Variants in PDS5A observed in about 807,000 individuals in gnomAD.
PDS5A encodes the protein PDS5 cohesin associated factor A.
In PDS5A, 42 loss-of-function variants were observed where a neutral mutation model predicts 167.1. The observed-to-expected ratio is 0.25, with a 90% CI of 0.20 to 0.33. The LOEUF (loss-of-function observed/expected upper bound fraction) is 0.33. Among genes scored for constraint, PDS5A ranks in the 10% least tolerant of loss-of-function variants. The pLI is 1.00. For missense variants in PDS5A, 1,033 were observed against 1,605.9 expected (o/e 0.64, Z 6.10); for synonymous variants, 553 against 554.6 (o/e 1.00, Z 0.04).
At chr4:39,877,236 A>T in intron 18 of PDS5A, 83 bp from the exon 19 acceptor site, 2 of 861,024 alleles carry the variant, frequency 2.3e-6, no homozygotes, top group East Asian at 5.3e-5. Flanking sequence ...AAAGAAAAAA[A>T]AAATTAAATT....
chr4:39,921,561 C>A (rs995572470), intron 6 of PDS5A, among the ~76,000 whole-genome samples: 1 of 145,990 alleles, frequency 6.8e-6, no homozygotes, highest in Non-Finnish European at 1.5e-5. Flanking sequence ...CATAGCGAAA[C>A]CCTGTTTCTA....
chr4:39,826,876 A>G (rs1715373225), intron 32 of PDS5A, among the ~76,000 whole-genome samples: 1 of 152,202 alleles, frequency 6.6e-6, no homozygotes, highest in African/African-American at 2.4e-5. Flanking sequence ...TATATTCCCA[A>G]ACTCCTTTAC....
chr4:39,849,540 C>A lies in PDS5A; in HGVS notation c.3199G>T (p.Asp1067Tyr). 6.2e-7 allele frequency: 1 copy of A among 1,606,272 alleles called. No homozygotes were observed. Among genetic ancestry groups the A allele is most frequent in the Non-Finnish European group, 8.5e-7 (1 of 1,175,104 alleles). ...CTTACTTCATTTGTCTTGGATTCAT[C>A]TGGAGACTGGGCATCTCTGGTTAAC... Reference protein sequence around the residue: ...IKLTRDAQSPDESKTNEKLYT... With the variant: ...IKLTRDAQSPYESKTNEKLYT... The change falls in exon 27 of 33, where the codon GAT becomes TAT. Residue 1067 changes from aspartate (D) to tyrosine (Y), a missense_variant. Transcript: ENST00000303538.
At chr4:39,894,990 G>C (rs1397262014) in intron 16 of PDS5A, among the ~76,000 whole-genome samples, 1 of 152,054 alleles carries the variant, frequency 6.6e-6, no homozygotes, top group Non-Finnish European at 1.5e-5. Context: ...CACTTTGGGA[G>C]GCCGAGGCGG....
Position 39,923,065 on chromosome 4 carries a change from G to A in PDS5A, c.528-317C>T, listed in dbSNP as rs558615882. On this transcript the variant is annotated intron_variant, in intron 5 of 32. Transcript: ENST00000303538. ...AGAAAAAGGCCGGGCACAGTGGCTC[G>A]GACCTGTAATCCCAGCACTTTGGGA... Among the ~76,000 whole-genome samples, 23 of 151,764 alleles carry A rather than the reference G, an allele frequency of 1.5e-4. 1 individual carries two copies. Among genetic ancestry groups the A allele is most frequent in the Admixed American group, 1.1e-3 (17 of 15,230 alleles).
rs1166233113 is a variant in PDS5A at position 39,833,191 on chromosome 4, C to CAAAAAAAAA, written c.4010+4656_4010+4664dup. ...GGGCCACAAGAGTGAAACTCCGTCT[C>CAAAAAAAAA]AAAAAAAAAAAAAAAAAAAAAAAAA... On this transcript the variant is annotated intron_variant, in intron 32 of 32. Coordinates refer to ENST00000303538, the MANE Select transcript of PDS5A (RefSeq NM_001100399.2). Among the ~76,000 whole-genome samples, 159 of 37,674 alleles carry CAAAAAAAAA rather than the reference C, an allele frequency of 4.2e-3. 1 individual carries two copies. The highest frequency in any genetic ancestry group is 4.7e-3 in the Non-Finnish European group (112 of 23,938). The allele number at this position is 37,674 out of a possible 152,430, so 24.7% of individuals were successfully genotyped here. A position where few individuals can be genotyped will look rare whatever the true frequency, so the allele number is the denominator to read the frequency against.
rs1343176526 is a variant in PDS5A, at chr4:39,842,041, C to T, written c.3564G>A (p.Glu1188=). ...TGNRSREQSS[E]AAETGVSENE... ...TTTCACTAACTCCAGTTTCTGCTGCCTCTGAACTCTGTTCCCTGTTTAAAA... is the reference window on the plus strand; with the variant it reads ...TTTCACTAACTCCAGTTTCTGCTGCTTCTGAACTCTGTTCCCTGTTTAAAA... The change falls in exon 31 of 33, where the codon GAG becomes GAA. Residue 1188 remains glutamate, a synonymous_variant. Transcript: ENST00000303538. The T allele has an allele frequency of 6.2e-7, 1 of 1,601,010 alleles. No homozygotes were observed. The highest frequency in any genetic ancestry group is 8.6e-7 in the Non-Finnish European group (1 of 1,168,322).
intron 17 of PDS5A, among the ~76,000 whole-genome samples, chr4:39,881,232 G>C (rs1311476195): frequency 6.6e-6 from 1 of 151,782 alleles, no homozygotes; most frequent in African/African-American, 2.4e-5. Flanking sequence ...ACCAAATCTT[G>C]GCTATTGTCA....
At chr4:39,916,175 G>A (rs957287974) in intron 8 of PDS5A, among the ~76,000 whole-genome samples, 3 of 147,490 alleles carry the variant, frequency 2.0e-5, no homozygotes, top group East Asian at 2.0e-4. Context: ...CTGGGCGACA[G>A]AGCAAGACTC....
At chr4:39,886,212 T>C (rs951451184) in intron 17 of PDS5A, among the ~76,000 whole-genome samples, 11 of 152,204 alleles carry the variant, frequency 7.2e-5, no homozygotes, top group Non-Finnish European at 1.5e-4. Flanking sequence ...GTTGATTTGG[T>C]TACTGTAGTT....
At chr4:39,840,842 C>T (rs1232431049) in intron 31 of PDS5A, among the ~76,000 whole-genome samples, 1 of 152,160 alleles carries the variant, frequency 6.6e-6, no homozygotes, top group East Asian at 1.9e-4. Context: ...GCAACCTTCA[C>T]CTCGAGGGTT....
At chr4:39,890,477 C>A in intron 16 of PDS5A, 113 bp from the exon 17 acceptor site, 1 of 635,732 alleles carries the variant, frequency 1.6e-6, no homozygotes, top group Non-Finnish European at 2.7e-6. Flanking sequence ...TAAGAATTGT[C>A]TGCTCTAGAC....
chr4:39,866,153 T>C (rs1251083927), intron 23 of PDS5A, among the ~76,000 whole-genome samples: 1 of 152,182 alleles, frequency 6.6e-6, no homozygotes, highest in Non-Finnish European at 1.5e-5. Context: ...CTCGCTCTGT[T>C]GCCCAGGCTG....
rs1161911794 is a variant in PDS5A at position 39,951,898 on chromosome 4, C to CAAAAAA, written c.139-23740_139-23735dup. On this transcript the variant is annotated intron_variant, in intron 2 of 32. Coordinates refer to ENST00000303538, the MANE Select transcript of PDS5A (RefSeq NM_001100399.2). ...CTGGGTGACAGAGCAGAGTCTGTCTCAAAAAAAAAAAAAAAAAAAAAATCT... is the reference window on the plus strand; with the variant it reads ...CTGGGTGACAGAGCAGAGTCTGTCTCAAAAAAAAAAAAAAAAAAAAAAAAAAAATCT... 5.0e-3 allele frequency among the ~76,000 whole-genome samples: 346 copies of CAAAAAA among 68,762 alleles called. 10 individuals are homozygous for CAAAAAA. The highest frequency in any genetic ancestry group is 0.016 in the African/African-American group (253 of 15,846). 45.1% of individuals were successfully genotyped at this position (68,762 alleles called of 152,430 possible).
intron 2 of PDS5A, among the ~76,000 whole-genome samples, chr4:39,931,303 C>T (rs980411672): frequency 6.6e-6 from 1 of 151,776 alleles, no homozygotes; most frequent in African/African-American, 2.4e-5. Flanking sequence ...CCATATGGTG[C>T]CCAGGCTAAA....
At chr4:39,928,436 A>G (rs1725659447) in intron 2 of PDS5A, among the ~76,000 whole-genome samples, 1 of 152,112 alleles carries the variant, frequency 6.6e-6, no homozygotes, top group African/African-American at 2.4e-5. Context: ...GCCTCTTATT[A>G]TTCATTTTAA....
intron 26 of PDS5A, among the ~76,000 whole-genome samples, chr4:39,850,861 C>T (rs527928865): frequency 3.9e-5 from 6 of 152,282 alleles, no homozygotes; most frequent in Admixed American, 2.0e-4. Flanking sequence ...GGAAATGGGG[C>T]CTGTTTTTAC....
At chr4:39,943,895 C>T (rs1187434317) in intron 2 of PDS5A, among the ~76,000 whole-genome samples, 2 of 151,716 alleles carry the variant, frequency 1.3e-5, no homozygotes, top group African/African-American at 2.4e-5. Context: ...CACTATTAGT[C>T]GGCCGGGTGT....
chr4:39,839,380 G>A (rs1318770074), intron 31 of PDS5A, among the ~76,000 whole-genome samples: 1 of 151,984 alleles, frequency 6.6e-6, no homozygotes, highest in African/African-American at 2.4e-5. Context: ...GACCAGCCTG[G>A]TCAAGATGGT....
Sources: allele counts gnomAD v4.1 joint callset (sites outside exome capture counted in the v4.1 genomes callset), GRCh38; gene constraint gnomAD v4.1.1; transcripts MANE v1.5; gene names NCBI Gene and HGNC (gene_info 2026-07-23, HGNC 2026-07-21).